The following PASD1 variants were observed in gnomAD, a reference collection of about 807,000 sequenced individuals.
PASD1 encodes the protein PAS domain containing repressor 1.
A neutral mutation model predicts 58.8 loss-of-function variants in PASD1; 13 were observed. That is an observed-to-expected ratio of 0.22 (90% confidence interval 0.14 to 0.35). The LOEUF is 0.35. Among genes scored for constraint, PASD1 ranks in the 10% least tolerant of loss-of-function variants. PASD1 has a pLI of 1.00. For missense variants in PASD1, 734 were observed against 568.3 expected (o/e 1.29, Z -2.96); for synonymous variants, 236 against 216.7 (o/e 1.09, Z -0.78).
intron 1 of PASD1, among the ~76,000 whole-genome samples, chrX:151,581,688 C>T (rs2013096263): frequency 9.0e-6 from 1 of 111,026 alleles, no homozygotes; most frequent in South Asian, 3.8e-4. Context: ...TTGGTAAATT[C>T]TCTGGTTGAT....
In PASD1 at chrX:151,593,640, A is replaced by G. The variant is rs187596093; in HGVS notation, c.-27-7887A>G. On this transcript the variant is annotated intron_variant, in intron 1 of 15. Coordinates refer to ENST00000370357, the MANE Select transcript of PASD1 (RefSeq NM_173493.3). ...GTGCCACATTTTCTGAATCCAGTCT[A>G]TCATTGATGGACATTTGGGTTGGTT... Among the ~76,000 whole-genome samples, 129 of 111,599 alleles carry G rather than the reference A, an allele frequency of 1.2e-3. 1 individual carries two copies. The highest frequency in any genetic ancestry group is 0.011 in the Admixed American group (112 of 10,513).
At chrX:151,674,259 C>A in intron 15 of PASD1, 73 bp downstream of exon 15, 1 of 1,156,228 alleles carries the variant, frequency 8.6e-7, no homozygotes, top group Non-Finnish European at 1.2e-6. Flanking sequence ...ACATAAGGCA[C>A]ACACCCCAAG....
At chrX:151,629,360 C>T (rs776948911) in intron 8 of PASD1, among the ~76,000 whole-genome samples, 6 of 111,000 alleles carry the variant, frequency 5.4e-5, no homozygotes, top group Admixed American at 9.6e-5. Flanking sequence ...CCTCATGATC[C>T]GCCCGCCTCG....
chrX:151,586,628 T>A (rs765409482), intron 1 of PASD1, among the ~76,000 whole-genome samples: 1 of 111,826 alleles, frequency 8.9e-6, no homozygotes, highest in East Asian at 2.8e-4. Context: ...CTACCTCTGC[T>A]GCCACTGCCC....
chrX:151,656,476 C>G (rs2014243529), intron 9 of PASD1, among the ~76,000 whole-genome samples: 1 of 111,701 alleles, frequency 9.0e-6, no homozygotes, highest in Non-Finnish European at 1.9e-5. Context: ...AATATTGATT[C>G]TTCCTATCCA....
rs1049984284 is a variant in PASD1, at chrX:151,607,484, G to T, written c.117+2750G>T. 6.3e-5 allele frequency among the ~76,000 whole-genome samples: 7 copies of T among 111,422 alleles called. No individual in the cohort carries two copies. In the East Asian group the frequency reaches 2.0e-3, roughly 31 times the overall value. ...AATCTCAGGATAGCGAGGGTGAGGG[G>T]GAAAGTAAGGCAGGGAAGAAGGGAA... On this transcript the variant is annotated intron_variant, in intron 3 of 15. Transcript: ENST00000370357.
intron 1 of PASD1, among the ~76,000 whole-genome samples, chrX:151,566,692 G>C (rs969345281): frequency 8.9e-6 from 1 of 112,020 alleles, no homozygotes; most frequent in Admixed American, 9.5e-5. Flanking sequence ...CTTACTGGGC[G>C]AGCATCCCTA....
chrX:151,563,768 C>G lies in PASD1; in HGVS notation c.-99C>G, dbSNP rs764082388. The G allele has an allele frequency of 8.9e-6, 1 of 112,419 alleles. No homozygotes were observed. Among genetic ancestry groups the G allele is most frequent in the Non-Finnish European group, 1.9e-5 (1 of 53,245 alleles). The allele number at this position is 112,419 out of a possible 1,213,427, so 9.3% of individuals were successfully genotyped here. The stretch of plus-strand genomic sequence containing the variant: ...GCCCACCAGGCTCCCGGGCTCTCAC[C>G]GGAGACCACAGGGAGGAGCTTCAAG... On this transcript the variant is annotated 5_prime_UTR_variant, in exon 1 of 16. Transcript: ENST00000370357.
intron 8 of PASD1, 96 bp from the exon 9 acceptor site, chrX:151,648,519 T>C: frequency 2.5e-6 from 2 of 811,562 alleles, no homozygotes; most frequent in Admixed American, 5.2e-5. Flanking sequence ...ATAAAACAAA[T>C]AGTTTTTATT....
intron 11 of PASD1, among the ~76,000 whole-genome samples, chrX:151,668,436 A>T (rs1454535118): frequency 2.7e-5 from 3 of 111,124 alleles, no homozygotes; most frequent in Non-Finnish European, 5.6e-5. Flanking sequence ...TTTTGAAAAG[A>T]TCAACAAAAT....
At position 151,591,244 on chromosome X, in the gene PASD1, G is replaced by C. The variant is rs143101203; in HGVS notation, c.-27-10283G>C. Among the ~76,000 whole-genome samples, 807 of 111,903 alleles carry C rather than the reference G, an allele frequency of 7.2e-3. 12 individuals are homozygous for C. The highest frequency in any genetic ancestry group is 0.025 in the African/African-American group (778 of 30,800). On this transcript the variant is annotated intron_variant, in intron 1 of 15. Coordinates refer to ENST00000370357, the MANE Select transcript of PASD1 (RefSeq NM_173493.3). ...TATCTAAGTGATTCTCAACTACAGA[G>C]AGCCAATGATGAATTAAATCCACCT...
At chrX:151,589,044 A>C (rs925715566) in intron 1 of PASD1, among the ~76,000 whole-genome samples, 3 of 110,629 alleles carry the variant, frequency 2.7e-5, no homozygotes, top group South Asian at 3.9e-4. Context: ...TACTGTGGCT[A>C]ATATTCTTAG....
chrX:151,612,065 G>A (rs999322865), intron 4 of PASD1, among the ~76,000 whole-genome samples: 1 of 96,394 alleles, frequency 1.0e-5, no homozygotes, highest in African/African-American at 3.8e-5. Flanking sequence ...GAGAACATGC[G>A]GTGTTTGGTT....
chrX:151,654,286 G>T (rs911903903), intron 9 of PASD1, among the ~76,000 whole-genome samples: 1 of 110,398 alleles, frequency 9.1e-6, no homozygotes, highest in Non-Finnish European at 1.9e-5. Flanking sequence ...GTTTTCTTTG[G>T]GGGGAGGAGT....
chrX:151,605,246 G>A (rs1326482810), intron 3 of PASD1, among the ~76,000 whole-genome samples: 1 of 111,940 alleles, frequency 8.9e-6, no homozygotes, highest in African/African-American at 3.2e-5. Context: ...TGTATGTCTT[G>A]ACTGAATTAC....
At chrX:151,625,761 T>C (rs1383528098) in intron 8 of PASD1, among the ~76,000 whole-genome samples, 2 of 110,953 alleles carry the variant, frequency 1.8e-5, no homozygotes. Context: ...TTGAGCAACA[T>C]AGTGAGATCC....
At chrX:151,674,259 C>T (rs1274572204) in intron 15 of PASD1, 73 bp downstream of exon 15, 46 of 1,154,568 alleles carry the variant, frequency 4.0e-5, no homozygotes, top group Non-Finnish European at 5.4e-5. Context: ...ACATAAGGCA[C>T]ACACCCCAAG....
At chrX:151,631,664 G>T (rs1376448671) in intron 8 of PASD1, among the ~76,000 whole-genome samples, 1 of 111,305 alleles carries the variant, frequency 9.0e-6, no homozygotes, top group South Asian at 3.8e-4. Flanking sequence ...TCCCTGGGGA[G>T]ACTCCATCTG....
chrX:151,653,746 CCTTCCTTCTTTCTTTCTTTCTTTCTTT>C lies in PASD1; in HGVS notation c.717+5048_717+5074del, dbSNP rs1464944727. Among the ~76,000 whole-genome samples the C allele has an allele frequency of 3.1e-3, 123 of 39,910 alleles. 1 individual carries two copies. Among genetic ancestry groups the C allele is most frequent in the African/African-American group, 7.7e-3 (120 of 15,594 alleles). The allele number at this position is 39,910 out of a possible 115,157, so 34.7% of individuals were successfully genotyped here. A position where few individuals can be genotyped will look rare whatever the true frequency, so the allele number is the denominator to read the frequency against. ...CTTCCTTCTCTCTCTCTCTTTCTTT[CCTTCCTTCTTTCTTTCTTTCTTTCTTT>C]CTTTCTTTCTTTCTTTCTTTCTTTC... On this transcript the variant is annotated intron_variant, in intron 9 of 15. Transcript: ENST00000370357.
Sources: allele counts gnomAD v4.1 joint callset (sites outside exome capture counted in the v4.1 genomes callset), GRCh38; gene constraint gnomAD v4.1.1; transcripts MANE v1.5; gene names NCBI Gene and HGNC (gene_info 2026-07-23, HGNC 2026-07-21).